Variants in FRMD5 observed in about 807,000 individuals in gnomAD.
FRMD5 encodes the protein FERM domain containing 5, also known as FERM domain-containing protein 5.
Under a neutral mutation model 69.0 loss-of-function variants are expected in FRMD5, and 20 were observed. The ratio of observed to expected loss-of-function variants is 0.29; its 90% CI spans 0.20 to 0.42. The LOEUF (loss-of-function observed/expected upper bound fraction) is 0.42. Ranked by LOEUF, FRMD5 falls within the 10% of genes least tolerant of loss-of-function variation. FRMD5 has a pLI of 1.00. For synonymous variants in FRMD5, 271 were observed against 260.1 expected, an observed-to-expected ratio of 1.04 and a Z score of -0.40; for missense variants, 595 against 708.6, an observed-to-expected ratio of 0.84 and a Z score of 1.82.
At chr15:43,998,019 G>C (rs529836619) in intron 1 of FRMD5, among the ~76,000 whole-genome samples, 1 of 152,116 alleles carries the variant, frequency 6.6e-6, no homozygotes. Context: ...ATGGTCCTTT[G>C]TGTGAGGTAT....
At chr15:44,145,987 G>A (rs1179017097) in intron 1 of FRMD5, among the ~76,000 whole-genome samples, 1 of 152,138 alleles carries the variant, frequency 6.6e-6, no homozygotes, top group Non-Finnish European at 1.5e-5. Flanking sequence ...ACTGAGAATG[G>A]AATTGAACTT....
chr15:44,045,347 C>A (rs934762244), intron 1 of FRMD5, among the ~76,000 whole-genome samples: 1 of 152,246 alleles, frequency 6.6e-6, no homozygotes, highest in Non-Finnish European at 1.5e-5. Context: ...GGCAAGGACT[C>A]ATTTTCCTGT....
intron 1 of FRMD5, among the ~76,000 whole-genome samples, chr15:44,087,913 T>C (rs987414050): frequency 3.3e-5 from 5 of 152,166 alleles, no homozygotes; most frequent in Non-Finnish European, 7.3e-5. Flanking sequence ...TTACACTGAG[T>C]TGAAGTAAAA....
At chr15:43,949,925 T>C (rs1437912624) in intron 1 of FRMD5, among the ~76,000 whole-genome samples, 1 of 152,082 alleles carries the variant, frequency 6.6e-6, no homozygotes, top group African/African-American at 2.4e-5. Flanking sequence ...GAAGAAGACA[T>C]TTGCATGCTG....
At chr15:44,175,536 A>C (rs1292314984) in intron 1 of FRMD5, among the ~76,000 whole-genome samples, 1 of 152,222 alleles carries the variant, frequency 6.6e-6, no homozygotes, top group Non-Finnish European at 1.5e-5. Flanking sequence ...TGATATAGCC[A>C]CTTTGGAAAA....
intron 13 of FRMD5, among the ~76,000 whole-genome samples, chr15:43,878,553 C>T (rs2088429387): frequency 6.6e-6 from 1 of 152,234 alleles, no homozygotes; most frequent in South Asian, 2.1e-4. Flanking sequence ...TTTGCACATG[C>T]AGCTTGAGGA....
chr15:44,074,997 T>G (rs928992389), intron 1 of FRMD5, among the ~76,000 whole-genome samples: 6 of 152,184 alleles, frequency 3.9e-5, no homozygotes, highest in Non-Finnish European at 8.8e-5. Context: ...TGGGCAGCTC[T>G]GGGTGATGAG....
In FRMD5 at chr15:43,873,985, G is replaced by A. The variant is rs763937333; in HGVS notation, c.1613C>T (p.Thr538Ile). ...DIAFFRDIRQ[T>I]PEFEQFHYQY... Reference sequence around the variant, plus strand: ...ATAGTGGAATTGTTCAAACTCGGGGGTCTGGCGGATATCACGGAAAAAGGC... The same window carrying A: ...ATAGTGGAATTGTTCAAACTCGGGGATCTGGCGGATATCACGGAAAAAGGC... Residue 538 changes from threonine (T) to isoleucine (I), a missense_variant, in exon 14 of 14, where the codon ACC becomes ATC. Physicochemically the swap from Thr to Ile is moderately conservative, Grantham distance 89. Coordinates refer to ENST00000417257, the MANE Select transcript of FRMD5 (RefSeq NM_032892.5). 6.2e-7 allele frequency: 1 copy of A among 1,614,214 alleles called. No individual in the cohort carries two copies. Among genetic ancestry groups the A allele is most frequent in the African/African-American group, 1.3e-5 (1 of 75,054 alleles).
At chr15:44,179,777 C>T (rs116075175) in intron 1 of FRMD5, among the ~76,000 whole-genome samples, 1 of 152,238 alleles carries the variant, frequency 6.6e-6, no homozygotes, top group African/African-American at 2.4e-5. Flanking sequence ...GGTTACATTG[C>T]AATTTTAGAG....
chr15:43,950,187 C>T (rs565319974), intron 1 of FRMD5, among the ~76,000 whole-genome samples: 1 of 152,304 alleles, frequency 6.6e-6, no homozygotes, highest in East Asian at 1.9e-4. Flanking sequence ...TGAAGAAACC[C>T]ATTCAGATCT....
At chr15:43,978,743 G>C (rs1352309637) in intron 1 of FRMD5, among the ~76,000 whole-genome samples, 7 of 152,006 alleles carry the variant, frequency 4.6e-5, no homozygotes, top group African/African-American at 1.5e-4. Context: ...GTAGAGACAG[G>C]GTTTCACCAT....
At chr15:44,162,323 A>T (rs1464034298) in intron 1 of FRMD5, among the ~76,000 whole-genome samples, 2 of 150,710 alleles carry the variant, frequency 1.3e-5, no homozygotes, top group African/African-American at 4.9e-5. Flanking sequence ...GCTGGTCTCA[A>T]ACTCCTAAGC....
intron 7 of FRMD5, among the ~76,000 whole-genome samples, chr15:43,899,920 C>T (rs1388066803): frequency 1.3e-5 from 2 of 152,138 alleles, no homozygotes; most frequent in African/African-American, 2.4e-5. Context: ...TCCCTTTCCC[C>T]GCTCTAGTCA....
chr15:44,067,453 T>C (rs545846775), intron 1 of FRMD5, among the ~76,000 whole-genome samples: 10 of 152,328 alleles, frequency 6.6e-5, no homozygotes, highest in African/African-American at 2.2e-4. Flanking sequence ...CAAAATACCA[T>C]AGACTGAGTA....
At chr15:44,168,155 T>C (rs1259747935) in intron 1 of FRMD5, among the ~76,000 whole-genome samples, 2 of 152,194 alleles carry the variant, frequency 1.3e-5, no homozygotes, top group African/African-American at 2.4e-5. Context: ...ATTGTTTGCA[T>C]TGAAAAAACA....
At chr15:44,195,540 G>A (rs985217489), upstream of FRMD5, among the ~76,000 whole-genome samples, 18 of 152,232 alleles carry the variant, frequency 1.2e-4, no homozygotes, top group South Asian at 6.2e-4. Context: ...CGGGCCAGGT[G>A]TGAGCACCCA....
At chr15:44,147,496 C>T (rs2077375354) in intron 1 of FRMD5, among the ~76,000 whole-genome samples, 1 of 151,954 alleles carries the variant, frequency 6.6e-6, no homozygotes, top group Non-Finnish European at 1.5e-5. Context: ...AGTAGTTTTT[C>T]CTAATTCTGT....
chr15:44,078,247 T>C (rs1893852050), intron 1 of FRMD5, among the ~76,000 whole-genome samples: 1 of 152,148 alleles, frequency 6.6e-6, no homozygotes, highest in Admixed American at 6.5e-5. Context: ...TAATCTTTTA[T>C]TCCCCCTAAG....
chr15:43,907,550 G>C (rs1322097118), intron 5 of FRMD5, among the ~76,000 whole-genome samples: 1 of 146,506 alleles, frequency 6.8e-6, no homozygotes, highest in Non-Finnish European at 1.5e-5. Context: ...TTTTGAGACA[G>C]AGTCTGGCTC....
Sources: allele counts gnomAD v4.1 joint callset (sites outside exome capture counted in the v4.1 genomes callset), GRCh38; gene constraint gnomAD v4.1.1; transcripts MANE v1.5; gene names NCBI Gene and HGNC (gene_info 2026-07-23, HGNC 2026-07-21).